GRM8: variants seen among roughly 807,000 people sequenced by gnomAD.
GRM8 encodes glutamate metabotropic receptor 8, also known as metabotropic glutamate receptor 8.
In GRM8, 47 loss-of-function variants were observed where a neutral mutation model predicts 87.2. That is an observed-to-expected ratio of 0.54 (90% CI 0.43 to 0.69). The LOEUF (loss-of-function observed/expected upper bound fraction) is 0.69. GRM8 is among the 30% of genes least tolerant of loss of function. The pLI is 0.00. For synonymous variants in GRM8, 396 were observed against 404.5 expected, an observed-to-expected ratio of 0.98 and a Z score of 0.25; for missense variants, 1,019 against 1,139.2, an observed-to-expected ratio of 0.89 and a Z score of 1.52.
intron 3 of GRM8, among the ~76,000 whole-genome samples, chr7:127,035,511 C>T (rs563148331): frequency 5.9e-5 from 9 of 152,286 alleles, no homozygotes; most frequent in South Asian, 4.1e-4. Context: ...ACAGTAGTCT[C>T]TTCCCAATTC....
At position 127,106,479 on chromosome 7, in the gene GRM8, G is replaced by T; in HGVS notation, c.727+17C>A. 1 of 1,591,692 alleles carries T rather than the reference G, an allele frequency of 6.3e-7. No individual in the cohort carries two copies. The highest frequency in any genetic ancestry group is 8.6e-7 in the Non-Finnish European group (1 of 1,160,280). On this transcript the variant is annotated intron_variant, in intron 3 of 10. Coordinates refer to ENST00000339582, the MANE Select transcript of GRM8 (RefSeq NM_000845.3). Reference sequence around the variant, plus strand: ...CTGTCACCTCCAAATACAATCATCTGATAAATATATGCTTACCAATCTCCC... The same window carrying T: ...CTGTCACCTCCAAATACAATCATCTTATAAATATATGCTTACCAATCTCCC...
intron 7 of GRM8, among the ~76,000 whole-genome samples, chr7:126,767,569 C>T (rs1449990355): frequency 6.6e-6 from 1 of 152,026 alleles, no homozygotes; most frequent in African/African-American, 2.4e-5. Context: ...GCTTAAGAAG[C>T]TCAAAAGTTA....
intron 9 of GRM8, chr7:126,512,569 A>G (rs1196331964): frequency 6.6e-6 from 1 of 152,214 alleles, no homozygotes; most frequent in Admixed American, 6.6e-5. Flanking sequence ...ACTCTGCCTG[A>G]TGCCCCCAGC....
rs34731773 is a variant in GRM8, at chr7:126,554,417, AAATAATAAT to A, written c.1495-20539_1495-20531del. Among the ~76,000 whole-genome samples the A allele has an allele frequency of 3.2e-3, 470 of 147,218 alleles. 6 individuals carry two copies. Among genetic ancestry groups the A allele is most frequent in the Middle Eastern group, 0.011 (3 of 284 alleles). The stretch of plus-strand genomic sequence containing the variant: ...TAACATAGCAAGACCCAATTTCTAC[AAATAATAAT>A]AATAATAATAATAATAATTAGCCTG... On this transcript the variant is annotated intron_variant, in intron 8 of 10. Coordinates refer to ENST00000339582, the MANE Select transcript of GRM8 (RefSeq NM_000845.3).
intron 6 of GRM8, among the ~76,000 whole-genome samples, chr7:126,770,663 T>C (rs971245561): frequency 1.3e-5 from 2 of 152,142 alleles, no homozygotes; most frequent in African/African-American, 4.8e-5. Flanking sequence ...TCAAAATGAA[T>C]GTCATTCAGA....
intron 9 of GRM8, among the ~76,000 whole-genome samples, chr7:126,453,952 G>A (rs192768056): frequency 5.6e-4 from 85 of 151,614 alleles, no homozygotes; most frequent in African/African-American, 2.0e-3. Flanking sequence ...GTTTTCCTTC[G>A]TGGATTTCTG....
At chr7:126,548,134 T>A (rs867438964) in intron 8 of GRM8, among the ~76,000 whole-genome samples, 30 of 151,794 alleles carry the variant, frequency 2.0e-4, no homozygotes, top group African/African-American at 5.8e-4. Flanking sequence ...TCTAAGAACA[T>A]GAACTTTAAC....
At chr7:126,798,844 C>A (rs1822299937) in intron 6 of GRM8, among the ~76,000 whole-genome samples, 1 of 152,050 alleles carries the variant, frequency 6.6e-6, no homozygotes, top group South Asian at 2.1e-4. Flanking sequence ...AAAGCCTTAC[C>A]TATGAGATGA....
intron 2 of GRM8, among the ~76,000 whole-genome samples, chr7:127,187,412 G>GT (rs34824565): frequency 0.21 from 32,461 of 151,930 alleles, 3,682 homozygotes; most frequent in Middle Eastern, 0.31. Context: ...AGCAGGAGTG[G>GT]TTTTTTAACA....
chr7:126,976,356 G>A (rs1810985368), intron 3 of GRM8, among the ~76,000 whole-genome samples: 1 of 152,206 alleles, frequency 6.6e-6, no homozygotes, highest in African/African-American at 2.4e-5. Context: ...AGCACTTTGG[G>A]AGGCCGAAGG....
chr7:127,106,550 C>T lies in GRM8; in HGVS notation c.673G>A (p.Gly225Arg). The T allele has an allele frequency of 6.2e-7, 1 of 1,614,092 alleles. No homozygotes were observed. The highest frequency in any genetic ancestry group is 2.2e-5 in the East Asian group (1 of 44,886). ...TCCACACCGCTCTCACCATAGTTCCCCTCAGAAGCCAGTGTCGAAACATAA... is the reference window on the plus strand; with the variant it reads ...TCCACACCGCTCTCACCATAGTTCCTCTCAGAAGCCAGTGTCGAAACATAA... ...WNYVSTLASEGNYGESGVEAF... is the reference protein window; with the variant it reads ...WNYVSTLASERNYGESGVEAF... The change falls in exon 3 of 11, where the codon GGG becomes AGG. Residue 225 changes from glycine to arginine, a missense_variant. Physicochemically the swap from Gly to Arg is moderately radical, Grantham distance 125. Transcript: ENST00000339582.
At chr7:127,094,281 G>T (rs939649746) in intron 3 of GRM8, among the ~76,000 whole-genome samples, 1 of 152,186 alleles carries the variant, frequency 6.6e-6, no homozygotes, top group African/African-American at 2.4e-5. Flanking sequence ...TTTCTTTGGG[G>T]CTGAGCATGG....
chr7:126,512,099 A>T (rs1811465632), intron 9 of GRM8: 1 of 152,104 alleles, frequency 6.6e-6, no homozygotes, highest in African/African-American at 2.4e-5. Context: ...GGAGAGAAAC[A>T]TAGCAATTCA....
chr7:127,085,027 T>C (rs1823323480), intron 3 of GRM8, among the ~76,000 whole-genome samples: 2 of 152,208 alleles, frequency 1.3e-5, no homozygotes, highest in South Asian at 4.1e-4. Context: ...AGTATTCTCA[T>C]TGTTCAATTC....
intron 2 of GRM8, among the ~76,000 whole-genome samples, chr7:127,118,539 CAT>C (rs1480596559): frequency 6.6e-6 from 1 of 152,198 alleles, no homozygotes; most frequent in African/African-American, 2.4e-5. Flanking sequence ...TGTGCGTACA[CAT>C]GTGTACATGT....
At chr7:127,028,549 G>C (rs1345908302) in intron 3 of GRM8, among the ~76,000 whole-genome samples, 2 of 152,018 alleles carry the variant, frequency 1.3e-5, no homozygotes. Flanking sequence ...ACTTCTTCCT[G>C]GTTTAGTCTT....
At chr7:127,153,442 T>C (rs1307743738) in intron 2 of GRM8, among the ~76,000 whole-genome samples, 1 of 152,140 alleles carries the variant, frequency 6.6e-6, no homozygotes, top group Non-Finnish European at 1.5e-5. Context: ...AATTAGCCTA[T>C]AGGCTGAAAG....
intron 2 of GRM8, among the ~76,000 whole-genome samples, chr7:127,211,568 C>T (rs897307436): frequency 1.3e-5 from 2 of 152,230 alleles, no homozygotes; most frequent in Non-Finnish European, 2.9e-5. Context: ...ATCAAGTTGA[C>T]ACTCAGTATT....
rs528720165 is a variant in GRM8, at chr7:127,009,724, AT to A, written c.727+96771del. 4.7e-4 allele frequency among the ~76,000 whole-genome samples: 71 copies of A among 151,072 alleles called. No homozygotes were observed. In the South Asian group the frequency reaches 8.0e-3, roughly 17 times the overall value. ...TGATTTGGAATTGTGAAAAATCCAG[AT>A]TTTTTTTTTCTTTGTTGAAGTTTGT... On this transcript the variant is annotated intron_variant, in intron 3 of 10. Coordinates refer to ENST00000339582, the MANE Select transcript of GRM8 (RefSeq NM_000845.3).
Sources: gnomAD v4.1 joint callset for allele counts (sites outside exome capture counted in the v4.1 genomes callset) on GRCh38, gnomAD v4.1.1 for gene constraint, MANE v1.5 for transcripts, NCBI Gene and HGNC (gene_info 2026-07-23, HGNC 2026-07-21) for gene names.